ATP10A: variants seen among roughly 807,000 people sequenced by gnomAD.
ATP10A encodes phospholipid-transporting ATPase VA.
ATP10A carries 111 observed loss-of-function variants against 147.8 expected under a neutral mutation model. That is an observed-to-expected ratio of 0.75 (90% CI 0.64 to 0.88). The LOEUF (loss-of-function observed/expected upper bound fraction) is 0.88, where lower values mean the gene tolerates loss of function less well. Ranked by LOEUF, ATP10A falls within the 40% of genes least tolerant of loss-of-function variation. The pLI is 0.00. For synonymous variants in ATP10A, 875 were observed against 841.6 expected (o/e 1.04, Z -0.69); for missense variants, 1,927 against 1,959.0 (o/e 0.98, Z 0.31).
At chr15:25,796,921 C>T (rs966925722) in intron 1 of ATP10A, among the ~76,000 whole-genome samples, 1 of 152,220 alleles carries the variant, frequency 6.6e-6, no homozygotes, top group Non-Finnish European at 1.5e-5. Flanking sequence ...TGTTTTGATA[C>T]ATGTATACAC....
intron 2 of ATP10A, among the ~76,000 whole-genome samples, chr15:25,760,815 C>T (rs571179950): frequency 1.6e-4 from 24 of 152,216 alleles, no homozygotes; most frequent in Non-Finnish European, 2.4e-4. Context: ...CACTGCACTC[C>T]GGCCTGGTGA....
chr15:25,714,089 G>A lies in ATP10A; in HGVS notation c.1929C>T (p.Ser643=). Residue 643 remains serine (S), a synonymous_variant, in exon 10 of 21, where the codon TCC becomes TCT. Transcript: ENST00000555815. The part of the protein sequence containing the change: ...SSHKLGSSFP[S]TPSSDGMLLR... ...GAAGCATGCCGTCGCTGGACGGGGT[G>A]GACGGGAAGCTGGAGCCCAACTTGT... The A allele has an allele frequency of 6.2e-7, 1 of 1,613,382 alleles. No individual in the cohort carries two copies.
intron 3 of ATP10A, among the ~76,000 whole-genome samples, chr15:25,729,726 C>T (rs1463072393): frequency 6.6e-6 from 1 of 152,180 alleles, no homozygotes; most frequent in Admixed American, 6.5e-5. Flanking sequence ...GGTAGCCCGG[C>T]CTTCCGGCCT....
At chr15:25,829,750 G>A (rs996302833) in intron 1 of ATP10A, among the ~76,000 whole-genome samples, 6 of 152,128 alleles carry the variant, frequency 3.9e-5, no homozygotes, top group Admixed American at 2.0e-4. Flanking sequence ...GGCACGGCTC[G>A]CTCTGGAGTC....
chr15:25,782,056 T>C (rs548561029), intron 1 of ATP10A, among the ~76,000 whole-genome samples: 7 of 152,368 alleles, frequency 4.6e-5, no homozygotes, highest in Non-Finnish European at 1.0e-4. Context: ...GGATAATCCA[T>C]GTATCCATGA....
intron 1 of ATP10A, among the ~76,000 whole-genome samples, chr15:25,831,109 C>T (rs887105100): frequency 2.0e-4 from 30 of 152,256 alleles, no homozygotes; most frequent in Admixed American, 6.5e-4. Context: ...CCTGCCCGCT[C>T]CTCAGCAGAC....
At chr15:25,825,566 A>T (rs1050960052) in intron 1 of ATP10A, among the ~76,000 whole-genome samples, 1 of 152,176 alleles carries the variant, frequency 6.6e-6, no homozygotes, top group Non-Finnish European at 1.5e-5. Flanking sequence ...ACATCAGCAA[A>T]GATTAGGAGA....
At chr15:25,709,815 C>T (rs1272223971) in intron 10 of ATP10A, 1 of 152,468 alleles carries the variant, frequency 6.6e-6, no homozygotes, top group Non-Finnish European at 1.5e-5. Context: ...CCTTACATGT[C>T]CTGCCGCACC....
rs1163533468 is a variant in ATP10A at position 25,767,033 on chromosome 15, G to A, written c.654+13986C>T. 4.6e-5 allele frequency among the ~76,000 whole-genome samples: 7 copies of A among 152,082 alleles called. No individual in the cohort carries two copies. In the East Asian group the frequency reaches 1.4e-3, roughly 29 times the overall value. On this transcript the variant is annotated intron_variant, in intron 2 of 20. Transcript: ENST00000555815. ...TGGCATCAGCAATTTCTTTGAAGAG[G>A]GCTGCTCCGCTACGTAGCACATTAC...
intron 12 of ATP10A, among the ~76,000 whole-genome samples, chr15:25,705,084 A>G (rs1297818553): frequency 6.6e-6 from 1 of 152,208 alleles, no homozygotes; most frequent in African/African-American, 2.4e-5. Flanking sequence ...TTTCAAGAGC[A>G]TGGAGAGAAC....
intron 2 of ATP10A, among the ~76,000 whole-genome samples, chr15:25,756,718 C>T (rs964795567): frequency 1.4e-4 from 22 of 152,190 alleles, no homozygotes; most frequent in African/African-American, 5.3e-4. Flanking sequence ...AGAAACAGAA[C>T]AACTCAAATG....
In ATP10A at chr15:25,832,508, C is replaced by T. The variant is rs75234683; in HGVS notation, c.449+30140G>A. Among the ~76,000 whole-genome samples the T allele has an allele frequency of 4.8e-3, 722 of 151,878 alleles. 3 individuals carry two copies. The highest frequency in any genetic ancestry group is 6.8e-3 in the Non-Finnish European group (461 of 67,960). On this transcript the variant is annotated intron_variant, in intron 1 of 20. Coordinates refer to ENST00000555815, the MANE Select transcript of ATP10A (RefSeq NM_024490.4). ...TTGGCATCTTTATATTTAAGGTTGTCAATGACCAGATTCCATTTTTTGTCT... is the reference window on the plus strand; with the variant it reads ...TTGGCATCTTTATATTTAAGGTTGTTAATGACCAGATTCCATTTTTTGTCT...
chr15:25,680,679 T>C (rs1437946193), intron 19 of ATP10A, 131 bp downstream of exon 19: 1 of 860,478 alleles, frequency 1.2e-6, no homozygotes, highest in African/African-American at 1.7e-5. Flanking sequence ...GTCCTTCTCA[T>C]CACACTGAGG....
At chr15:25,828,814 G>C (rs904731037) in intron 1 of ATP10A, among the ~76,000 whole-genome samples, 1 of 152,270 alleles carries the variant, frequency 6.6e-6, no homozygotes, top group Non-Finnish European at 1.5e-5. Flanking sequence ...CAGCACTCAT[G>C]CTGTGTTTTA....
At chr15:25,700,558 G>C (rs981358927) in intron 13 of ATP10A, among the ~76,000 whole-genome samples, 1 of 152,192 alleles carries the variant, frequency 6.6e-6, no homozygotes, top group Non-Finnish European at 1.5e-5. Flanking sequence ...GTTATGCTGA[G>C]TGACAGAAGC....
chr15:25,846,474 G>A (rs1170852648), intron 1 of ATP10A, among the ~76,000 whole-genome samples: 1 of 152,144 alleles, frequency 6.6e-6, no homozygotes, highest in East Asian at 1.9e-4. Context: ...AGGAAGTGGA[G>A]GAGTCAGAGC....
At chr15:25,736,466 T>C (rs550364674) in intron 2 of ATP10A, among the ~76,000 whole-genome samples, 111 of 151,138 alleles carry the variant, frequency 7.3e-4, no homozygotes, top group Non-Finnish European at 1.4e-3. Context: ...GATGAATGAG[T>C]TTTTTAAGAC....
At chr15:25,837,658 AAC>A (rs1892652424) in intron 1 of ATP10A, among the ~76,000 whole-genome samples, 1 of 152,230 alleles carries the variant, frequency 6.6e-6, no homozygotes, top group African/African-American at 2.4e-5. Context: ...TTTCCCATCT[AAC>A]ATGAACGAGC....
rs779089598 is a variant in ATP10A, at chr15:25,713,768, T to G, written c.2250A>C (p.Ser750=). Reference sequence around the variant, plus strand: ...CGGTAAGCGGGTGCCGGATCACCACTGACATCCTCTTGCGGACGGAATCGA... The same window carrying G: ...CGGTAAGCGGGTGCCGGATCACCACGGACATCCTCTTGCGGACGGAATCGA... ...LGFDSVRKRM[S]VVIRHPLTDE... is the part of the protein sequence containing the mutation. Residue 750 remains serine (S), a synonymous_variant, in exon 10 of 21, where the codon TCA becomes TCC. Coordinates refer to ENST00000555815, the MANE Select transcript of ATP10A (RefSeq NM_024490.4). 2 of 1,614,020 alleles carry G rather than the reference T, an allele frequency of 1.2e-6. No individual in the cohort carries two copies. Among genetic ancestry groups the G allele is most frequent in the African/African-American group, 2.7e-5 (2 of 74,942 alleles).
Sources: gnomAD v4.1 joint callset for allele counts (sites outside exome capture counted in the v4.1 genomes callset) on GRCh38, gnomAD v4.1.1 for gene constraint, MANE v1.5 for transcripts, NCBI Gene and HGNC (gene_info 2026-07-23, HGNC 2026-07-21) for gene names.